SPRING1: variants seen among roughly 807,000 people sequenced by gnomAD.
SPRING1 encodes SREBP regulating gene protein.
SPRING1 carries 14 observed loss-of-function variants against 24.7 expected under a neutral mutation model. The ratio of observed to expected loss-of-function variants is 0.57; its 90% CI spans 0.37 to 0.88. The LOEUF (loss-of-function observed/expected upper bound fraction) is 0.88. Ranked by LOEUF, SPRING1 falls within the 40% of genes least tolerant of loss-of-function variation. SPRING1 has a pLI of 0.00. For missense variants in SPRING1, 255 were observed against 268.4 expected (o/e 0.95, Z 0.35); for synonymous variants, 93 against 106.1 (o/e 0.88, Z 0.76).
Position 116,712,480 on chromosome 12 carries a change from C to T in SPRING1, c.*5330G>A, listed in dbSNP as rs1315585036. 2.0e-5 allele frequency: 3 copies of T among 152,148 alleles called. No individual in the cohort carries two copies. Among genetic ancestry groups the T allele is most frequent in the South Asian group, 2.1e-4 (1 of 4,820 alleles). The allele number at this position is 152,148 out of a possible 1,614,324, so 9.4% of individuals were successfully genotyped here. On this transcript the variant is annotated 3_prime_UTR_variant, in exon 5 of 5. Transcript: ENST00000261318. Reference sequence around the variant, plus strand: ...AAACTGCACTCATGCTGTGATAACACGCAAAAGGTCACACACTGGAAGAGC... The same window carrying T: ...AAACTGCACTCATGCTGTGATAACATGCAAAAGGTCACACACTGGAAGAGC...
At chr12:116,729,252 A>G (rs1442985228) in intron 1 of SPRING1, among the ~76,000 whole-genome samples, 1 of 152,224 alleles carries the variant, frequency 6.6e-6, no homozygotes, top group Non-Finnish European at 1.5e-5. Flanking sequence ...TCTATTCCAC[A>G]CAAATGTGTA....
chr12:116,731,308 A>G (rs1870964946), intron 1 of SPRING1, among the ~76,000 whole-genome samples: 1 of 152,192 alleles, frequency 6.6e-6, no homozygotes, highest in Admixed American at 6.5e-5. Context: ...CCATCAGTGG[A>G]AGTGTCAACA....
intron 1 of SPRING1, among the ~76,000 whole-genome samples, chr12:116,732,719 AAACAAAAC>A (rs1345186730): frequency 6.6e-6 from 1 of 152,174 alleles, no homozygotes; most frequent in Admixed American, 6.5e-5. Context: ...AAAACAAACA[AAACAAAAC>A]AAGAAAACAA....
Position 116,710,964 on chromosome 12 carries a change from A to G in SPRING1, c.*6846T>C, listed in dbSNP as rs1869844821. On this transcript the variant is annotated 3_prime_UTR_variant, in exon 5 of 5. Coordinates refer to ENST00000261318, the MANE Select transcript of SPRING1 (RefSeq NM_024738.4). Reference sequence around the variant, plus strand: ...GTCATTAAGGTCAGTGCTCTTGTCAATAAAATTAGGATATTGCTCACATAC... The same window carrying G: ...GTCATTAAGGTCAGTGCTCTTGTCAGTAAAATTAGGATATTGCTCACATAC... The G allele has an allele frequency of 6.6e-6, 1 of 151,888 alleles. No individual in the cohort carries two copies. The highest frequency in any genetic ancestry group is 1.5e-5 in the Non-Finnish European group (1 of 68,022). 9.4% of individuals were successfully genotyped at this position (151,888 alleles called of 1,614,324 possible).
chr12:116,721,310 G>A (rs1870424180), intron 2 of SPRING1, among the ~76,000 whole-genome samples: 1 of 152,198 alleles, frequency 6.6e-6, no homozygotes, highest in African/African-American at 2.4e-5. Context: ...GCACACATGA[G>A]CTCCCAGGTG....
At chr12:116,718,029 A>G in intron 4 of SPRING1, 136 bp from the exon 5 acceptor site, 1 of 642,428 alleles carries the variant, frequency 1.6e-6, no homozygotes, top group Non-Finnish European at 2.4e-6. Context: ...TCCAAATGTC[A>G]CTAAAGGCTC....
chr12:116,738,061 C>G lies in SPRING1; in HGVS notation c.-161G>C. ...GCTCCCGGCAGCCTTGGGCGCAGCC[C>G]CACGTGACCCCGCCCTACGCCCCGC... On this transcript the variant is annotated 5_prime_UTR_variant, in exon 1 of 5. Transcript: ENST00000261318. 1 of 1,079,274 alleles carries G rather than the reference C, an allele frequency of 9.3e-7. No homozygotes were observed. The highest frequency in any genetic ancestry group is 1.1e-6 in the Non-Finnish European group (1 of 892,290). 66.9% of individuals were successfully genotyped at this position (1,079,274 alleles called of 1,614,324 possible).
At chr12:116,722,952 T>C (rs1318244848) in intron 2 of SPRING1, 115 bp downstream of exon 2, 6 of 1,326,568 alleles carry the variant, frequency 4.5e-6, no homozygotes, top group Non-Finnish European at 6.2e-6. Context: ...ATGTTGGAGA[T>C]GAGCGAGGAG....
At chr12:116,725,575 G>T (rs541430196) in intron 1 of SPRING1, among the ~76,000 whole-genome samples, 1 of 152,286 alleles carries the variant, frequency 6.6e-6, no homozygotes, top group African/African-American at 2.4e-5. Flanking sequence ...AGATTCTGTA[G>T]AACTTTCTAT....
At chr12:116,735,908 C>T (rs1170174311) in intron 1 of SPRING1, among the ~76,000 whole-genome samples, 3 of 148,946 alleles carry the variant, frequency 2.0e-5, no homozygotes, top group African/African-American at 5.0e-5. Flanking sequence ...GGCATGGTGG[C>T]GCATGCCTGT....
chr12:116,715,021 A>G lies in SPRING1; in HGVS notation c.*2789T>C, dbSNP rs1392639044. Reference sequence around the variant, plus strand: ...GACTCAATTCCCTTGAGCCGAAAACACTCACTTATTAACAATATTTTTTTC... The same window carrying G: ...GACTCAATTCCCTTGAGCCGAAAACGCTCACTTATTAACAATATTTTTTTC... On this transcript the variant is annotated 3_prime_UTR_variant, in exon 5 of 5. Transcript: ENST00000261318. The G allele has an allele frequency of 6.6e-6, 1 of 151,828 alleles. No homozygotes were observed. The highest frequency in any genetic ancestry group is 2.4e-5 in the African/African-American group (1 of 41,298). 9.4% of individuals were successfully genotyped at this position (151,828 alleles called of 1,614,324 possible). A position where few individuals can be genotyped will look rare whatever the true frequency, so the allele number is the denominator to read the frequency against.
chr12:116,722,956 C>T (rs920762787), intron 2 of SPRING1, 111 bp downstream of exon 2: 3 of 1,355,582 alleles, frequency 2.2e-6, no homozygotes, highest in Non-Finnish European at 3.0e-6. Context: ...TGGAGATGAG[C>T]GAGGAGAGAA....
intron 2 of SPRING1, among the ~76,000 whole-genome samples, chr12:116,722,051 TA>T (rs916653664): frequency 1.4e-4 from 21 of 152,206 alleles, no homozygotes; most frequent in Admixed American, 5.9e-4. Flanking sequence ...CCTTGAAAAT[TA>T]ACTTCCAGCC....
chr12:116,715,275 C>T lies in SPRING1; in HGVS notation c.*2535G>A, dbSNP rs993361864. ...AAGGTGTTTTCATCCCTTTTGTGATCTCCTAAACTCCCAAGGTGTATCACA... is the reference window on the plus strand; with the variant it reads ...AAGGTGTTTTCATCCCTTTTGTGATTTCCTAAACTCCCAAGGTGTATCACA... On this transcript the variant is annotated 3_prime_UTR_variant, in exon 5 of 5. Coordinates refer to ENST00000261318, the MANE Select transcript of SPRING1 (RefSeq NM_024738.4). 1 of 152,120 alleles carries T rather than the reference C, an allele frequency of 6.6e-6. No individual in the cohort carries two copies. Among genetic ancestry groups the T allele is most frequent in the African/African-American group, 2.4e-5 (1 of 41,424 alleles). The allele number at this position is 152,120 out of a possible 1,614,324, so 9.4% of individuals were successfully genotyped here.
intron 4 of SPRING1, among the ~76,000 whole-genome samples, chr12:116,719,550 A>G (rs889771009): frequency 6.6e-6 from 1 of 152,196 alleles, no homozygotes; most frequent in African/African-American, 2.4e-5. Flanking sequence ...AGTTGATTAG[A>G]CCTTGATTTA....
In SPRING1 at chr12:116,718,725, C is replaced by T. The variant is rs537341045; in HGVS notation, c.535-832G>A. 4.6e-5 allele frequency among the ~76,000 whole-genome samples: 7 copies of T among 152,334 alleles called. No homozygotes were observed. The East Asian group carries it at 5.8e-4, about 13-fold the overall frequency. ...TATCAGTGAAGGAAAGAAAATACTT[C>T]GCCTTTTCTAGCGTTTCTCAGAATG... On this transcript the variant is annotated intron_variant, in intron 4 of 4. Coordinates refer to ENST00000261318, the MANE Select transcript of SPRING1 (RefSeq NM_024738.4).
intron 1 of SPRING1, among the ~76,000 whole-genome samples, chr12:116,729,544 CATA>C (rs766170902): frequency 1.6e-4 from 24 of 152,192 alleles, no homozygotes; most frequent in African/African-American, 3.9e-4. Context: ...CAGCGTTATT[CATA>C]ATAACTAAAA....
At chr12:116,727,811 G>C (rs576766388) in intron 1 of SPRING1, among the ~76,000 whole-genome samples, 156 of 152,240 alleles carry the variant, frequency 1.0e-3, no homozygotes, top group African/African-American at 2.9e-3. Context: ...GATGCCTCTG[G>C]TTAGTGAGAT....
intron 1 of SPRING1, among the ~76,000 whole-genome samples, chr12:116,736,087 T>C (rs1871207416): frequency 7.7e-6 from 1 of 129,982 alleles, no homozygotes; most frequent in Non-Finnish European, 1.6e-5. Context: ...TTTTATGTCG[T>C]ATTTTACCAC....
Sources: allele counts gnomAD v4.1 joint callset (sites outside exome capture counted in the v4.1 genomes callset), GRCh38; gene constraint gnomAD v4.1.1; transcripts MANE v1.5; gene names NCBI Gene and HGNC (gene_info 2026-07-23, HGNC 2026-07-21).